The following SPAG9 variants were observed in gnomAD, a reference collection of about 807,000 sequenced individuals.
SPAG9 encodes sperm associated antigen 9.
A neutral mutation model predicts 166.5 loss-of-function variants in SPAG9; 35 were observed. That is an observed-to-expected ratio of 0.21 (90% CI 0.16 to 0.28). The LOEUF is 0.28. Ranked by LOEUF, SPAG9 falls within the 10% of genes least tolerant of loss-of-function variation. The pLI is 1.00. For synonymous variants in SPAG9, 534 were observed against 565.5 expected, an observed-to-expected ratio of 0.94 and a Z score of 0.79; for missense variants, 1,235 against 1,603.3, an observed-to-expected ratio of 0.77 and a Z score of 3.92.
In SPAG9 at chr17:51,120,771, C is replaced by CGGGGCT. The variant is rs1430424560; in HGVS notation, c.-121_-116dup. On this transcript the variant is annotated 5_prime_UTR_variant, in exon 1 of 30. Coordinates refer to ENST00000262013, the MANE Select transcript of SPAG9 (RefSeq NM_001130528.3). The surrounding 1 kb of genome is among the most constrained non-coding windows in gnomAD (Gnocchi z 4.7). ...CGGGTACTAGGGCTGGAGCCCGGGC[C>CGGGGCT]GGGGCTGGGGCTGGGCCCGGCGGGG... 6 of 920,730 alleles carry CGGGGCT rather than the reference C, an allele frequency of 6.5e-6. No individual in the cohort carries two copies. Among genetic ancestry groups the CGGGGCT allele is most frequent in the South Asian group, 1.9e-5 (1 of 51,284 alleles). The allele number at this position is 920,730 out of a possible 1,614,324, so 57.0% of individuals were successfully genotyped here. A position where few individuals can be genotyped will look rare whatever the true frequency, so the allele number is the denominator to read the frequency against.
chr17:51,079,809 T>C (rs1776318786), intron 1 of SPAG9, 105 bp from the exon 2 acceptor site: 4 of 728,598 alleles, frequency 5.5e-6, no homozygotes, highest in Non-Finnish European at 6.5e-6. Context: ...ATTAACTACT[T>C]AGATCTCAGA....
At position 51,021,266 on chromosome 17, in the gene SPAG9, T is replaced by G; in HGVS notation, c.883A>C (p.Lys295Gln). Residue 295 changes from lysine to glutamine, a missense_variant, in exon 7 of 30, where the codon AAG becomes CAG. Lys to Gln is a moderately conservative substitution (Grantham distance 53). Transcript: ENST00000262013. ...TTCACAAATCCTTCGTTTTCTTCCT[T>G]TAAGGGAGTATCAGTAGGAATTGTT... The part of the protein sequence containing the change: ...VATIPTDTPL[K>Q]EENEGFVKVT... 1 of 1,614,108 alleles carries G rather than the reference T, an allele frequency of 6.2e-7. No individual in the cohort carries two copies. The highest frequency in any genetic ancestry group is 8.5e-7 in the Non-Finnish European group (1 of 1,179,988).
At position 51,120,006 on chromosome 17, in the gene SPAG9, A is replaced by G. The variant is rs1000497854; in HGVS notation, c.303+348T>C. Among the ~76,000 whole-genome samples the G allele has an allele frequency of 3.3e-5, 5 of 152,152 alleles. No homozygotes were observed. The highest frequency in any genetic ancestry group is 3.3e-4 in the Admixed American group (5 of 15,274). ...TAAAACTTTGAACCGCCATCTGACTATCCCACGGTGGTCGGAAACTTCCCT... is the reference window on the plus strand; with the variant it reads ...TAAAACTTTGAACCGCCATCTGACTGTCCCACGGTGGTCGGAAACTTCCCT... On this transcript the variant is annotated intron_variant, in intron 1 of 29. Coordinates refer to ENST00000262013, the MANE Select transcript of SPAG9 (RefSeq NM_001130528.3). This position sits in a 1 kb window ranked among gnomAD's most constrained non-coding sequence, Gnocchi z 4.7.
intron 3 of SPAG9, among the ~76,000 whole-genome samples, chr17:51,053,857 ATATATATATATATATATATATAT>A (rs2047268774): frequency 8.2e-5 from 3 of 36,582 alleles, no homozygotes; most frequent in South Asian, 1.1e-3. Flanking sequence ...AAAAAAAAGT[ATATATATATATATATATATATAT>A]ATATATATAT....
intron 3 of SPAG9, among the ~76,000 whole-genome samples, chr17:51,054,916 G>A (rs138601507): frequency 2.6e-5 from 4 of 152,214 alleles, no homozygotes; most frequent in Admixed American, 6.5e-5. Context: ...CAAATCTCAC[G>A]TGTCAAGGCT....
At chr17:51,087,408 G>C (rs549381310) in intron 1 of SPAG9, among the ~76,000 whole-genome samples, 158 of 152,304 alleles carry the variant, frequency 1.0e-3, no homozygotes, top group South Asian at 7.7e-3. Context: ...CCAAAATACA[G>C]CTCTTGGCAG....
intron 25 of SPAG9, among the ~76,000 whole-genome samples, chr17:50,980,787 C>T (rs1567958480): frequency 8.7e-6 from 1 of 114,678 alleles, no homozygotes; most frequent in Non-Finnish European, 2.1e-5. Context: ...TATTTGAGCC[C>T]AGGAGTTTGA....
At chr17:51,106,340 A>G (rs1454252588) in intron 1 of SPAG9, among the ~76,000 whole-genome samples, 1 of 152,042 alleles carries the variant, frequency 6.6e-6, no homozygotes, top group Admixed American at 6.6e-5. Context: ...AAAAATTTTT[A>G]AGTAAAATAA....
chr17:51,059,771 AAAACAAACAAAC>A (rs71149339), intron 2 of SPAG9, among the ~76,000 whole-genome samples: 5 of 150,788 alleles, frequency 3.3e-5, no homozygotes, highest in Non-Finnish European at 5.9e-5. Flanking sequence ...TCCATCTCAA[AAAACAAACAAAC>A]AAACAAACAA....
At chr17:51,026,519 C>T (rs929734983) in intron 6 of SPAG9, among the ~76,000 whole-genome samples, 1 of 151,892 alleles carries the variant, frequency 6.6e-6, no homozygotes, top group Non-Finnish European at 1.5e-5. Context: ...TAACTTACTT[C>T]CCTTTTATAC....
Position 50,990,568 on chromosome 17 carries a change from T to C in SPAG9, c.2499A>G (p.Ala833=), listed in dbSNP as rs992780689. 13 of 1,614,242 alleles carry C rather than the reference T, an allele frequency of 8.1e-6. No individual in the cohort carries two copies. Among genetic ancestry groups the C allele is most frequent in the Middle Eastern group, 1.6e-4 (1 of 6,062 alleles). Residue 833 remains alanine, a synonymous_variant, in exon 20 of 30, where the codon GCA becomes GCG. Transcript: ENST00000262013. ...LCGSMTSNSS[A]ETDSLLGGIT... is the part of the protein sequence containing the mutation. ...TGCCTCCTAACAGGCTGTCTGTCTC[T>C]GCTGAGCTGTTGCTTGTCATACTTC...
rs536558435 is a variant in SPAG9 at position 51,047,277 on chromosome 17, C to G, written c.590+98G>C. The G allele has an allele frequency of 8.5e-6, 6 of 706,328 alleles. No homozygotes were observed. In the African/African-American group the frequency reaches 9.1e-5, roughly 11 times the overall value. 43.8% of individuals were successfully genotyped at this position (706,328 alleles called of 1,614,324 possible). ...CACAGTGGAGAGCTTTTTGAATCAG[C>G]CTAACTATTGTTCCAGGATTAAAGA... On this transcript the variant is annotated intron_variant, in intron 4 of 29. Coordinates refer to ENST00000262013, the MANE Select transcript of SPAG9 (RefSeq NM_001130528.3).
At chr17:51,098,325 G>T (rs1019927309) in intron 1 of SPAG9, among the ~76,000 whole-genome samples, 8 of 150,206 alleles carry the variant, frequency 5.3e-5, no homozygotes, top group Non-Finnish European at 8.9e-5. Flanking sequence ...ACAGTTCGTG[G>T]TTTTTTTTTT....
intron 5 of SPAG9, among the ~76,000 whole-genome samples, chr17:51,035,763 C>G (rs1343218761): frequency 6.6e-6 from 1 of 152,144 alleles, no homozygotes; most frequent in African/African-American, 2.4e-5. Context: ...GGTGTCTATC[C>G]AATTGGTTTA....
chr17:51,021,018 A>C, intron 7 of SPAG9, 140 bp downstream of exon 7: 1 of 700,392 alleles, frequency 1.4e-6, no homozygotes, highest in Non-Finnish European at 2.5e-6. Flanking sequence ...ATGCAGAACC[A>C]CAGATATAGA....
At chr17:51,071,616 C>G (rs2047822307) in intron 2 of SPAG9, among the ~76,000 whole-genome samples, 1 of 152,192 alleles carries the variant, frequency 6.6e-6, no homozygotes, top group South Asian at 2.1e-4. Flanking sequence ...ATTATAGACT[C>G]AACTTTTCAA....
chr17:51,025,782 C>T (rs981572824), intron 6 of SPAG9, among the ~76,000 whole-genome samples: 1 of 151,824 alleles, frequency 6.6e-6, no homozygotes, highest in Admixed American at 6.6e-5. Context: ...GTTCCAGCTA[C>T]GAGGAATGCT....
In SPAG9 at chr17:51,024,600, C is replaced by A. The variant is rs1036448180; in HGVS notation, c.784-3235G>T. Among the ~76,000 whole-genome samples the A allele has an allele frequency of 5.3e-5, 8 of 151,408 alleles. No individual in the cohort carries two copies. In the East Asian group the frequency reaches 1.6e-3, roughly 30 times the overall value. ...TGGCGGCACACGTCTGTAATCCCAG[C>A]TATTAGCGAGGCTGAGGCAGGAGAA... On this transcript the variant is annotated intron_variant, in intron 6 of 29. Coordinates refer to ENST00000262013, the MANE Select transcript of SPAG9 (RefSeq NM_001130528.3).
intron 5 of SPAG9, among the ~76,000 whole-genome samples, chr17:51,037,675 ATATATATATAGTGTGT>A (rs1422947560): frequency 1.0e-5 from 1 of 98,566 alleles, no homozygotes; most frequent in South Asian, 2.9e-4. Context: ...TTATATATAT[ATATATATATAGTGTGT>A]GTGTGTGTGT....
Sources: gnomAD v4.1 joint callset for allele counts (sites outside exome capture counted in the v4.1 genomes callset) on GRCh38, gnomAD v4.1.1 for gene constraint, Gnocchi (gnomAD v3.1) non-coding constraint, MANE v1.5 for transcripts, NCBI Gene and HGNC (gene_info 2026-07-23, HGNC 2026-07-21) for gene names.